SORCS1: variants seen among roughly 807,000 people sequenced by gnomAD.
SORCS1 encodes the protein VPS10 domain-containing receptor SorCS1.
In SORCS1, 60 loss-of-function variants were observed where a neutral mutation model predicts 146.1. The observed-to-expected ratio is 0.41, with a 90% CI of 0.33 to 0.51. The LOEUF (loss-of-function observed/expected upper bound fraction) is 0.51, where lower values mean the gene tolerates loss of function less well. SORCS1 is among the 20% of genes least tolerant of loss of function. The pLI is 0.21. For synonymous variants in SORCS1, 637 were observed against 584.0 expected, an observed-to-expected ratio of 1.09 and a Z score of -1.31; for missense variants, 1,352 against 1,487.6, an observed-to-expected ratio of 0.91 and a Z score of 1.50.
intron 17 of SORCS1, among the ~76,000 whole-genome samples, chr10:106,659,408 C>T (rs1422849030): frequency 6.6e-6 from 1 of 152,150 alleles, no homozygotes; most frequent in African/African-American, 2.4e-5. Flanking sequence ...CACTTAATAT[C>T]GAGAATCATA....
At chr10:107,079,645 T>A (rs1963173310) in intron 1 of SORCS1, among the ~76,000 whole-genome samples, 1 of 152,094 alleles carries the variant, frequency 6.6e-6, no homozygotes, top group Admixed American at 6.5e-5. Flanking sequence ...TGTGCCCCAA[T>A]TCCGAAAAAT....
intron 1 of SORCS1, among the ~76,000 whole-genome samples, chr10:107,016,854 G>C (rs1957919225): frequency 6.6e-6 from 1 of 152,136 alleles, no homozygotes; most frequent in African/African-American, 2.4e-5. Flanking sequence ...AGAGAAAAAA[G>C]AGGGCGAACA....
intron 5 of SORCS1, among the ~76,000 whole-genome samples, chr10:106,759,582 T>A (rs1467221082): frequency 6.6e-6 from 1 of 152,186 alleles, no homozygotes; most frequent in African/African-American, 2.4e-5. Flanking sequence ...ATCTAAGATC[T>A]TGGAAACTTA....
At chr10:106,749,336 T>C (rs1194028552) in intron 5 of SORCS1, among the ~76,000 whole-genome samples, 3 of 152,212 alleles carry the variant, frequency 2.0e-5, no homozygotes, top group Non-Finnish European at 4.4e-5. Flanking sequence ...TACTTGAGAC[T>C]GCCCGCCTTG....
chr10:107,054,900 A>G (rs17122006), intron 1 of SORCS1, among the ~76,000 whole-genome samples: 1,623 of 152,346 alleles, frequency 0.011, 14 homozygotes, highest in South Asian at 0.028. Flanking sequence ...ATAAAGTGGT[A>G]TCACATTTGT....
At chr10:106,898,335 C>T (rs1053685115) in intron 2 of SORCS1, among the ~76,000 whole-genome samples, 6 of 152,196 alleles carry the variant, frequency 3.9e-5, no homozygotes, top group African/African-American at 1.4e-4. Context: ...GCTAATCACC[C>T]TCCCACCTAA....
At chr10:106,788,807 G>T (rs1289665171) in intron 3 of SORCS1, among the ~76,000 whole-genome samples, 2 of 152,206 alleles carry the variant, frequency 1.3e-5, no homozygotes, top group African/African-American at 4.8e-5. Context: ...CCACTTTGGG[G>T]TCTGGAGGAC....
intron 6 of SORCS1, among the ~76,000 whole-genome samples, chr10:106,720,660 G>T (rs1312128166): frequency 6.6e-6 from 1 of 151,738 alleles, no homozygotes; most frequent in Non-Finnish European, 1.5e-5. Context: ...TATATGGAGT[G>T]CTGCTATTGT....
At chr10:106,679,542 G>A (rs1852284467) in intron 11 of SORCS1, 90 bp downstream of exon 11, 1 of 1,196,932 alleles carries the variant, frequency 8.4e-7, no homozygotes, top group Non-Finnish European at 1.2e-6. Flanking sequence ...CAGATATCTA[G>A]CTTCTTAAAA....
Position 106,579,025 on chromosome 10 carries a change from G to A in SORCS1, c.3371+344C>T, listed in dbSNP as rs1323295778. ...AAGTGGTTATGTCAAGCCAGAAAGG[G>A]GTTAGAGAGAGAGTCAGCCATTGCC... On this transcript the variant is annotated intron_variant, in intron 25 of 25. Coordinates refer to ENST00000263054, the MANE Select transcript of SORCS1 (RefSeq NM_052918.5). The A allele has an allele frequency of 1.9e-6, 3 of 1,588,028 alleles. No homozygotes were observed. In the African/African-American group the frequency reaches 4.0e-5, roughly 21 times the overall value.
chr10:106,927,847 G>A (rs1381253981), intron 2 of SORCS1, among the ~76,000 whole-genome samples: 2 of 151,714 alleles, frequency 1.3e-5, no homozygotes, highest in Non-Finnish European at 2.9e-5. Context: ...ACAGAGTGCC[G>A]ATTGGTGTCT....
intron 1 of SORCS1, among the ~76,000 whole-genome samples, chr10:107,035,834 C>A (rs551378726): frequency 6.6e-6 from 1 of 151,876 alleles, no homozygotes; most frequent in African/African-American, 2.4e-5. Context: ...TTAATCCTCA[C>A]AAATATCCTA....
intron 8 of SORCS1, among the ~76,000 whole-genome samples, chr10:106,705,745 G>C (rs1854470542): frequency 6.6e-6 from 1 of 152,182 alleles, no homozygotes; most frequent in Non-Finnish European, 1.5e-5. Context: ...GAGCTCCCGA[G>C]TCAGTTTGAC....
At chr10:106,932,370 C>T (rs1032535378) in intron 2 of SORCS1, among the ~76,000 whole-genome samples, 2 of 152,126 alleles carry the variant, frequency 1.3e-5, no homozygotes, top group Non-Finnish European at 2.9e-5. Flanking sequence ...ATCAAATCCC[C>T]CTTTCCTGAA....
At chr10:106,819,152 G>A (rs879320437) in intron 3 of SORCS1, among the ~76,000 whole-genome samples, 2 of 152,146 alleles carry the variant, frequency 1.3e-5, no homozygotes, top group Non-Finnish European at 2.9e-5. Flanking sequence ...TTTGTTGAAT[G>A]CTTGCTAGGT....
At chr10:106,971,356 G>A (rs1375417633) in intron 1 of SORCS1, among the ~76,000 whole-genome samples, 4 of 152,122 alleles carry the variant, frequency 2.6e-5, no homozygotes, top group Non-Finnish European at 4.4e-5. Flanking sequence ...TTTGTGGATC[G>A]TCTGACTGAA....
chr10:106,706,588 T>G lies in SORCS1; in HGVS notation c.1190A>C (p.Asn397Thr). The change falls in exon 8 of 26, where the codon AAT becomes ACT. Residue 397 changes from asparagine (N) to threonine (T), a missense_variant. Physicochemically the swap from Asn to Thr is moderately conservative, Grantham distance 65. Around this residue, in one of 3 missense-constraint regions of SORCS1, gnomAD observed 648 missense variants for 793.8 expected, o/e 0.82. Transcript: ENST00000263054. ...CGGAAGCTTCATTTGGGCAAATGCATTCCTTCGGTAGGACACGTAGTAATG... is the reference window on the plus strand; with the variant it reads ...CGGAAGCTTCATTTGGGCAAATGCAGTCCTTCGGTAGGACACGTAGTAATG... Reference protein sequence around the residue: ...RPHYYVSYRRNAFAQMKLPKY... With the variant: ...RPHYYVSYRRTAFAQMKLPKY... The G allele has an allele frequency of 6.2e-7, 1 of 1,614,190 alleles. No individual in the cohort carries two copies. The highest frequency in any genetic ancestry group is 2.2e-5 in the East Asian group (1 of 44,872).
intron 4 of SORCS1, among the ~76,000 whole-genome samples, chr10:106,767,484 T>TATTC (rs1859663419): frequency 6.6e-6 from 1 of 151,956 alleles, no homozygotes; most frequent in Non-Finnish European, 1.5e-5. Context: ...GATTCTTATA[T>TATTC]ATTTATTTAT....
chr10:106,791,741 T>C (rs1416704876), intron 3 of SORCS1, among the ~76,000 whole-genome samples: 1 of 152,174 alleles, frequency 6.6e-6, no homozygotes, highest in Non-Finnish European at 1.5e-5. Flanking sequence ...CCACTTTTGA[T>C]ACACACTACC....
Sources: gnomAD v4.1 joint callset for allele counts (sites outside exome capture counted in the v4.1 genomes callset) on GRCh38, gnomAD v4.1.1 for gene constraint, gnomAD v4.1.1 regional missense constraint, MANE v1.5 for transcripts, NCBI Gene and HGNC (gene_info 2026-07-23, HGNC 2026-07-21) for gene names.